GNL3: variants seen among roughly 807,000 people sequenced by gnomAD.
The protein encoded by GNL3 is guanine nucleotide-binding protein-like 3.
In GNL3, 77 loss-of-function variants were observed where a neutral mutation model predicts 70.6. The ratio of observed to expected loss-of-function variants is 1.09; its 90% CI spans 0.91 to 1.32. GNL3 has a LOEUF of 1.32. Among genes scored for constraint, GNL3 ranks in the 40% most tolerant of loss-of-function variants. The probability of loss-of-function intolerance (pLI) is 0.00; values close to 1 mark genes in which losing one functional copy is unlikely to be tolerated. For missense variants in GNL3, 634 were observed against 644.0 expected (o/e 0.98, Z 0.17); for synonymous variants, 252 against 216.1 (o/e 1.17, Z -1.46).
intron 10 of GNL3, 26 bp from the exon 11 acceptor site, chr3:52,693,161 C>T (rs1486968319): frequency 1.0e-5 from 16 of 1,592,970 alleles, no homozygotes; most frequent in Non-Finnish European, 1.3e-5. Context: ...TGAAGGACAG[C>T]TCCTTTGTTT....
In GNL3 at chr3:52,694,080, C is replaced by T. The variant is rs1186738488; in HGVS notation, c.1544C>T (p.Ala515Val). The change falls in exon 14 of 15, where the codon GCA becomes GTA. Residue 515 changes from alanine (A) to valine (V), a missense_variant. By Grantham distance (64) the Ala-to-Val change is moderately conservative. Coordinates refer to ENST00000418458, the MANE Select transcript of GNL3 (RefSeq NM_014366.5). ...GMFAAEETGE[A>V]LSEETTAGEQ... is the part of the protein sequence containing the mutation. The stretch of plus-strand genomic sequence containing the variant: ...TTTGCTGCAGAAGAGACAGGGGAGG[C>T]ACTGTCTGAGGAGACTACAGCAGGT... 4.3e-6 allele frequency: 7 copies of T among 1,613,694 alleles called. No homozygotes were observed. The highest frequency in any genetic ancestry group is 5.9e-6 in the Non-Finnish European group (7 of 1,179,564).
Position 52,688,154 on chromosome 3 carries a change from CAG to C in GNL3, c.372_373del (p.Asn125PhefsTer10). 8 of 1,611,364 alleles carry C rather than the reference CAG, an allele frequency of 5.0e-6. No individual in the cohort carries two copies. Among genetic ancestry groups the C allele is most frequent in the East Asian group, 2.2e-5 (1 of 44,876 alleles). ...TGAGAACAAAGCCAAGTCGGGCAAA[CAG>C]AATTCAAAGAAGCTGTACTGCCAAG... is the stretch of plus-strand genomic sequence containing the variant. ...KTENKAKSGKQNSKKLYCQEL... is the reference protein window; with the variant it reads ...KTENKAKSGKXNSKKLYCQEL... On this transcript the variant is annotated frameshift_variant, in exon 5 of 15. Coordinates refer to ENST00000418458, the MANE Select transcript of GNL3 (RefSeq NM_014366.5). LOFTEE classifies it high-confidence loss of function.
chr3:52,691,988 C>T (rs1256258306), intron 9 of GNL3, among the ~76,000 whole-genome samples: 1 of 152,018 alleles, frequency 6.6e-6, no homozygotes, highest in Non-Finnish European at 1.5e-5. Flanking sequence ...GGCCAAGCCA[C>T]CGCGCCCGGC....
At chr3:52,691,423 A>G in intron 8 of GNL3, 119 bp from the exon 9 acceptor site, 2 of 699,420 alleles carry the variant, frequency 2.9e-6, no homozygotes, top group South Asian at 1.6e-5. Flanking sequence ...AAGTGAAGAC[A>G]CTGAGATCCA....
upstream of GNL3, chr3:52,685,950 A>G (rs1578551489): frequency 1.4e-6 from 1 of 728,258 alleles, no homozygotes; most frequent in Non-Finnish European, 2.5e-6. Flanking sequence ...GCTCCGCGCG[A>G]CACTGCGTGC....
intron 4 of GNL3, 107 bp from the exon 5 acceptor site, chr3:52,687,992 GACTCCATCTT>G (rs2097323852): frequency 1.4e-6 from 1 of 703,488 alleles, no homozygotes; most frequent in African/African-American, 1.8e-5. Flanking sequence ...ACTGAGTTCA[GACTCCATCTT>G]ACCTATTTAA....
Position 52,687,362 on chromosome 3 carries a change from A to T in GNL3, c.189A>T (p.Glu63Asp). ...SAPFKEALLREAELRKQRLEE... is the reference protein window; with the variant it reads ...SAPFKEALLRDAELRKQRLEE... ...CCTTTAAGGAGGCTCTTCTTAGGGA[A>T]GCTGAGCTAAGGAAACAGAGGGTAA... Residue 63 changes from glutamate (E) to aspartate (D), a missense_variant, in exon 3 of 15, where the codon GAA (glutamate) becomes GAT (aspartate). By Grantham distance (45) the Glu-to-Asp change is conservative. Coordinates refer to ENST00000418458, the MANE Select transcript of GNL3 (RefSeq NM_014366.5). 1 of 1,613,958 alleles carries T rather than the reference A, an allele frequency of 6.2e-7. No individual in the cohort carries two copies. The highest frequency in any genetic ancestry group is 1.1e-5 in the South Asian group (1 of 91,080).
At chr3:52,687,809 C>G (rs887306120) in intron 4 of GNL3, 194 bp downstream of exon 4, 1 of 596,268 alleles carries the variant, frequency 1.7e-6, no homozygotes, top group Non-Finnish European at 3.0e-6. Context: ...TTTTTTTTAG[C>G]AGACACGGGC....
intron 9 of GNL3, 71 bp downstream of exon 9, chr3:52,691,700 T>C: frequency 1.3e-6 from 1 of 767,618 alleles, no homozygotes; most frequent in Non-Finnish European, 2.1e-6. Context: ...TCAAGGAAGG[T>C]GATTTTTTTT....
chr3:52,688,823 A>G (rs561595093), intron 5 of GNL3: 3 of 500,878 alleles, frequency 6.0e-6, no homozygotes, highest in South Asian at 4.3e-5. Flanking sequence ...AGACAGGGAT[A>G]TTTGCATTTT....
chr3:52,686,774 A>T lies in GNL3; in HGVS notation c.19A>T (p.Lys7Ter). The stretch of plus-strand genomic sequence containing the variant: ...TGTGATGTGTTTCTTTGTAGAGTTA[A>T]AGAAAGCAAGTAAACGCATGACCTG... The part of the protein sequence containing the change: MKRPKL[K>*]KASKRMTCHK... Residue 7 changes from lysine (K) to a stop codon, truncating the protein, a stop_gained, in exon 2 of 15, where the codon AAG (lysine) becomes TAG (stop). Transcript: ENST00000418458. LOFTEE classifies it high-confidence loss of function. 6.2e-7 allele frequency: 1 copy of T among 1,611,312 alleles called. No homozygotes were observed. The highest frequency in any genetic ancestry group is 8.5e-7 in the Non-Finnish European group (1 of 1,177,378).
chr3:52,690,429 AT>A (rs1436736582), intron 6 of GNL3, among the ~76,000 whole-genome samples, 162 bp from the exon 7 acceptor site: 1 of 151,784 alleles, frequency 6.6e-6, no homozygotes, highest in Middle Eastern at 3.2e-3. Flanking sequence ...CGCCCAGCTA[AT>A]TTTTTTGTAT....
At chr3:52,686,295 G>T (rs988615592) in intron 1 of GNL3, 190 bp downstream of exon 1, 1 of 636,190 alleles carries the variant, frequency 1.6e-6, no homozygotes, top group African/African-American at 1.8e-5. Flanking sequence ...TTAACCGCGC[G>T]GGCTCATTCT....
At position 52,686,802 on chromosome 3, in the gene GNL3, A is replaced by G. The variant is rs1382833745; in HGVS notation, c.47A>G (p.His16Arg). 16 of 1,612,744 alleles carry G rather than the reference A, an allele frequency of 9.9e-6. No individual in the cohort carries two copies. Among genetic ancestry groups the G allele is most frequent in the Non-Finnish European group, 1.3e-5 (15 of 1,178,698 alleles). ...LKKASKRMTCHKRYKIQKKVR... is the reference protein window; with the variant it reads ...LKKASKRMTCRKRYKIQKKVR... Reference sequence around the variant, plus strand: ...AAAGCAAGTAAACGCATGACCTGCCATAAGCGGTATAAAATCCAAAAAAAG... The same window carrying G: ...AAAGCAAGTAAACGCATGACCTGCCGTAAGCGGTATAAAATCCAAAAAAAG... Residue 16 changes from histidine (H) to arginine (R), a missense_variant, in exon 2 of 15, where the codon CAT becomes CGT. Transcript: ENST00000418458.
intron 10 of GNL3, 41 bp from the exon 11 acceptor site, chr3:52,693,146 T>A: frequency 1.3e-6 from 2 of 1,596,528 alleles, no homozygotes; most frequent in Non-Finnish European, 1.7e-6. Context: ...TACTGGCATG[T>A]CAGATGAAGG....
chr3:52,691,555 G>A lies in GNL3; in HGVS notation c.795G>A (p.Val265=). The part of the protein sequence containing the change: ...IRVGVIGFPN[V]GKSSIINSLK... Reference sequence around the variant, plus strand: ...ATTTATTTGTAGGTTTCCCAAATGTGGGGAAAAGCAGCATTATCAATAGCT... The same window carrying A: ...ATTTATTTGTAGGTTTCCCAAATGTAGGGAAAAGCAGCATTATCAATAGCT... The change falls in exon 9 of 15, where the codon GTG becomes GTA. Residue 265 remains valine, a synonymous_variant. Transcript: ENST00000418458. 1.3e-6 allele frequency: 2 copies of A among 1,581,572 alleles called. No individual in the cohort carries two copies. The highest frequency in any genetic ancestry group is 1.3e-5 in the African/African-American group (1 of 74,304).
rs188426166 is a variant in GNL3 at position 52,693,540 on chromosome 3, A to T, written c.1320A>T (p.Ile440=). 2.0e-5 allele frequency: 33 copies of T among 1,614,190 alleles called. 1 individual carries two copies. In the East Asian group the frequency reaches 3.3e-4, roughly 16 times the overall value. Residue 440 remains isoleucine (I), a synonymous_variant, in exon 12 of 15, where the codon ATA becomes ATT. Coordinates refer to ENST00000418458, the MANE Select transcript of GNL3 (RefSeq NM_014366.5). The part of the protein sequence containing the change: ...EELEKNNAQS[I]RAIKGPHLAN... The stretch of plus-strand genomic sequence containing the variant: ...TGGAAAAGAACAATGCACAGAGCAT[A>T]AGAGGTGAGAATTGTGTGTCGCTGC...
chr3:52,693,224 C>T lies in GNL3; in HGVS notation c.1082C>T (p.Ser361Phe). The T allele has an allele frequency of 1.2e-6, 2 of 1,613,514 alleles. No homozygotes were observed. The highest frequency in any genetic ancestry group is 2.2e-5 in the East Asian group (1 of 44,872). Residue 361 changes from serine to phenylalanine, a missense_variant, in exon 11 of 15, where the codon TCT becomes TTT. Transcript: ENST00000418458. ...TATACTGTCCCAGGCTACAGGAATT[C>T]TCTGGAATTTTTTACTGTGCTTGCT... ...LKYTVPGYRN[S>F]LEFFTVLAQR...
rs1257392787 is a variant in GNL3, at chr3:52,690,686, T to A, written c.636T>A (p.Asp212Glu). ...TCAGAGCCTCAACAAAACCAAAGGA[T>A]AAAGGGAAGATAACCAAGGTATCCT... ...VVFRASTKPKDKGKITKRVKA... is the reference protein window; with the variant it reads ...VVFRASTKPKEKGKITKRVKA... The change falls in exon 7 of 15, where the codon GAT becomes GAA. Residue 212 changes from aspartate (D) to glutamate (E), a missense_variant. Asp to Glu is a conservative substitution (Grantham distance 45). Coordinates refer to ENST00000418458, the MANE Select transcript of GNL3 (RefSeq NM_014366.5). The A allele has an allele frequency of 6.3e-7, 1 of 1,587,412 alleles. No individual in the cohort carries two copies. The highest frequency in any genetic ancestry group is 1.7e-5 in the Admixed American group (1 of 59,912).
Sources: gnomAD v4.1 joint callset for allele counts (sites outside exome capture counted in the v4.1 genomes callset) on GRCh38, gnomAD v4.1.1 for gene constraint, MANE v1.5 for transcripts, NCBI Gene and HGNC (gene_info 2026-07-23, HGNC 2026-07-21) for gene names.